RTRAF: variants seen among roughly 807,000 people sequenced by gnomAD.
RTRAF encodes RNA transcription, translation and transport factor.
In RTRAF, 14 loss-of-function variants were observed where a neutral mutation model predicts 34.4. The observed-to-expected ratio is 0.41, with a 90% confidence interval of 0.27 to 0.64. RTRAF has a LOEUF of 0.64. Among genes scored for constraint, RTRAF ranks in the 30% least tolerant of loss-of-function variants. The probability of loss-of-function intolerance (pLI) is 0.34; values close to 1 mark genes in which losing one functional copy is unlikely to be tolerated. For synonymous variants in RTRAF, 96 were observed against 95.3 expected (o/e 1.01, Z -0.04); for missense variants, 291 against 288.4 (o/e 1.01, Z -0.06).
intron 1 of RTRAF, 77 bp downstream of exon 1, chr14:51,989,777 T>C: frequency 7.0e-7 from 1 of 1,423,692 alleles, no homozygotes; most frequent in South Asian, 1.3e-5. Context: ...GCACCCCACC[T>C]CCCCGTCGGG....
rs752372080 is a variant in RTRAF, at chr14:52,005,714, G to A, written c.*1198G>A. 5 of 1,561,614 alleles carry A rather than the reference G, an allele frequency of 3.2e-6. No individual in the cohort carries two copies. The highest frequency in any genetic ancestry group is 4.4e-6 in the Non-Finnish European group (5 of 1,132,350). On this transcript the variant is annotated 3_prime_UTR_variant, in exon 8 of 8. Transcript: ENST00000261700. ...TTCTCTACCCTGCTAATTTAAAGGA[G>A]CATCCTAAAGCATACTTTTTACCTG...
intron 4 of RTRAF, chr14:51,999,486 G>A: frequency 2.5e-6 from 1 of 398,668 alleles, no homozygotes; most frequent in Non-Finnish European, 4.5e-6. Flanking sequence ...CCTAAGTTGG[G>A]GACCGTCTCA....
chr14:52,005,450 A>T lies in RTRAF; in HGVS notation c.*934A>T, dbSNP rs749089852. On this transcript the variant is annotated 3_prime_UTR_variant, in exon 8 of 8. Coordinates refer to ENST00000261700, the MANE Select transcript of RTRAF (RefSeq NM_016039.3). ...ACTGTTCTTTAGGGTCCAGGTTCTGATTGTAAACTCCAAGTCTTCCTTTAC... is the reference window on the plus strand; with the variant it reads ...ACTGTTCTTTAGGGTCCAGGTTCTGTTTGTAAACTCCAAGTCTTCCTTTAC... The T allele has an allele frequency of 1.5e-5, 23 of 1,564,074 alleles. No individual in the cohort carries two copies. Among genetic ancestry groups the T allele is most frequent in the Non-Finnish European group, 1.8e-5 (21 of 1,159,896 alleles).
At position 52,007,497 on chromosome 14, in the gene RTRAF, G is replaced by A. The variant is rs1497079; in HGVS notation, c.*2981G>A. 52,021 of 315,868 alleles carry A rather than the reference G, an allele frequency of 0.16. 5,681 individuals carry two copies. Among genetic ancestry groups the A allele is most frequent in the East Asian group, 0.5 (5,307 of 10,644 alleles). 19.6% of individuals were successfully genotyped at this position (315,868 alleles called of 1,614,324 possible). ...GGTAAGTTATAGTGACCCTCTCCCC[G>A]CATAAGAATAACTTCACTTAAGTTT... On this transcript the variant is annotated 3_prime_UTR_variant, in exon 8 of 8. Coordinates refer to ENST00000261700, the MANE Select transcript of RTRAF (RefSeq NM_016039.3).
chr14:51,992,351 G>A (rs553935892), intron 2 of RTRAF, among the ~76,000 whole-genome samples: 1 of 152,280 alleles, frequency 6.6e-6, no homozygotes, highest in East Asian at 1.9e-4. Flanking sequence ...TAGAATCAGT[G>A]ATTTTATAAA....
At position 52,005,800 on chromosome 14, in the gene RTRAF, A is replaced by G; in HGVS notation, c.*1284A>G. The G allele has an allele frequency of 6.2e-7, 1 of 1,613,882 alleles. No homozygotes were observed. Among genetic ancestry groups the G allele is most frequent in the Non-Finnish European group, 8.5e-7 (1 of 1,179,792 alleles). On this transcript the variant is annotated 3_prime_UTR_variant, in exon 8 of 8. Transcript: ENST00000261700. The stretch of plus-strand genomic sequence containing the variant: ...AGGTGAGATCGTTGTTCTGGGAGAT[A>G]CTCATCAGTAAACTGGCCACTATGT...
Position 51,991,358 on chromosome 14 carries a change from C to T in RTRAF, c.103C>T (p.Gln35Ter), listed in dbSNP as rs756314038. Residue 35 changes from glutamine to a stop codon, truncating the protein, a stop_gained, in exon 2 of 8, where the codon CAG becomes TAG. Coordinates refer to ENST00000261700, the MANE Select transcript of RTRAF (RefSeq NM_016039.3). LOFTEE classifies it high-confidence loss of function. ...AAACTTCATCGTTTGGCTTGAAGACCAGAAAATCAGGCACTACAAGATTGA... is the reference window on the plus strand; with the variant it reads ...AAACTTCATCGTTTGGCTTGAAGACTAGAAAATCAGGCACTACAAGATTGA... ...FRNFIVWLED[Q>*]KIRHYKIEDR... is the part of the protein sequence containing the mutation. 6.2e-7 allele frequency: 1 copy of T among 1,613,096 alleles called. No homozygotes were observed. Among genetic ancestry groups the T allele is most frequent in the Non-Finnish European group, 8.5e-7 (1 of 1,179,466 alleles).
intron 6 of RTRAF, among the ~76,000 whole-genome samples, chr14:52,002,701 G>T (rs1890619110): frequency 6.6e-6 from 1 of 152,216 alleles, no homozygotes; most frequent in Non-Finnish European, 1.5e-5. Context: ...GATAACACCT[G>T]CCTCCTGCAG....
intron 2 of RTRAF, among the ~76,000 whole-genome samples, chr14:51,993,023 C>T (rs771475412): frequency 9.9e-5 from 15 of 151,954 alleles, no homozygotes; most frequent in Non-Finnish European, 1.9e-4. Flanking sequence ...GAACAAGACT[C>T]TGTCTCAAAA....
chr14:52,009,233 G>C lies in RTRAF; in HGVS notation c.*4717G>C, dbSNP rs903666371. Reference sequence around the variant, plus strand: ...TTGCGCTAAGGTGGAGGTGGCCAGAGGGTACAGCATGCATATCATTGCTTC... The same window carrying C: ...TTGCGCTAAGGTGGAGGTGGCCAGACGGTACAGCATGCATATCATTGCTTC... On this transcript the variant is annotated 3_prime_UTR_variant, in exon 8 of 8. Coordinates refer to ENST00000261700, the MANE Select transcript of RTRAF (RefSeq NM_016039.3). 2 of 152,152 alleles carry C rather than the reference G, an allele frequency of 1.3e-5. No individual in the cohort carries two copies. Among genetic ancestry groups the C allele is most frequent in the African/African-American group, 4.8e-5 (2 of 41,432 alleles). The allele number at this position is 152,152 out of a possible 1,614,324, so 9.4% of individuals were successfully genotyped here.
At chr14:51,998,607 A>AC in intron 4 of RTRAF, 27 bp downstream of exon 4, 1 of 1,430,626 alleles carries the variant, frequency 7.0e-7, no homozygotes, top group Non-Finnish European at 9.5e-7. Context: ...ATAACATTGA[A>AC]CATCAACATT....
At chr14:51,989,885 C>T (rs1180240072) in intron 1 of RTRAF, among the ~76,000 whole-genome samples, 185 bp downstream of exon 1, 1 of 152,314 alleles carries the variant, frequency 6.6e-6, no homozygotes, top group African/African-American at 2.4e-5. Flanking sequence ...GCCTTTAAAG[C>T]CCTCTCACCT....
chr14:52,003,954 T>G, intron 6 of RTRAF: 10 of 504,666 alleles, frequency 2.0e-5, no homozygotes, highest in East Asian at 3.3e-5. Context: ...AAGGATTGGA[T>G]GAGCTATAGA....
chr14:52,004,798 T>TAAGTCATAGGAAAACTTAAAACACTTTA lies in RTRAF; in HGVS notation c.*283_*310dup. 1 of 271,324 alleles carries TAAGTCATAGGAAAACTTAAAACACTTTA rather than the reference T, an allele frequency of 3.7e-6. No homozygotes were observed. Among genetic ancestry groups the TAAGTCATAGGAAAACTTAAAACACTTTA allele is most frequent in the Non-Finnish European group, 6.8e-6 (1 of 146,812 alleles). The allele number at this position is 271,324 out of a possible 1,614,324, so 16.8% of individuals were successfully genotyped here. ...TTGTCCTAGAGACAATATAGATCCT[T>TAAGTCATAGGAAAACTTAAAACACTTTA]AAGTCATAGGAAAACTTAAAACACT... is the stretch of plus-strand genomic sequence containing the variant. On this transcript the variant is annotated 3_prime_UTR_variant, in exon 8 of 8. Coordinates refer to ENST00000261700, the MANE Select transcript of RTRAF (RefSeq NM_016039.3).
chr14:52,005,673 A>G lies in RTRAF; in HGVS notation c.*1157A>G. 1 of 1,431,262 alleles carries G rather than the reference A, an allele frequency of 7.0e-7. No individual in the cohort carries two copies. Among genetic ancestry groups the G allele is most frequent in the Non-Finnish European group, 9.9e-7 (1 of 1,014,326 alleles). The allele number at this position is 1,431,262 out of a possible 1,614,324, so 88.7% of individuals were successfully genotyped here. ...TGTCACAGGCAGCAGGGGTAATCAAATACCATATATATCCCTTCTCTACCC... is the reference window on the plus strand; with the variant it reads ...TGTCACAGGCAGCAGGGGTAATCAAGTACCATATATATCCCTTCTCTACCC... On this transcript the variant is annotated 3_prime_UTR_variant, in exon 8 of 8. Coordinates refer to ENST00000261700, the MANE Select transcript of RTRAF (RefSeq NM_016039.3).
intron 5 of RTRAF, among the ~76,000 whole-genome samples, chr14:52,000,847 G>A (rs1185833375): frequency 6.6e-6 from 1 of 152,174 alleles, no homozygotes; most frequent in African/African-American, 2.4e-5. Context: ...TGAGAGGAGA[G>A]TCAGACAATG....
rs757854431 is a variant in RTRAF at position 51,991,379 on chromosome 14, A to T, written c.124A>T (p.Ile42Phe). The change falls in exon 2 of 8, where the codon ATT (isoleucine) becomes TTT (phenylalanine). Residue 42 changes from isoleucine to phenylalanine, a missense_variant. Coordinates refer to ENST00000261700, the MANE Select transcript of RTRAF (RefSeq NM_016039.3). ...AGACCAGAAAATCAGGCACTACAAG[A>T]TTGAAGACAGAGGGAATTTAAGAAA... is the stretch of plus-strand genomic sequence containing the variant. ...LEDQKIRHYK[I>F]EDRGNLRNIH... 1 of 1,613,630 alleles carries T rather than the reference A, an allele frequency of 6.2e-7. No individual in the cohort carries two copies. The highest frequency in any genetic ancestry group is 1.7e-5 in the Admixed American group (1 of 60,024).
rs1038077854 is a variant in RTRAF at position 52,010,075 on chromosome 14, A to G, written c.*5559A>G. 6.6e-6 allele frequency: 1 copy of G among 152,242 alleles called. No homozygotes were observed. The highest frequency in any genetic ancestry group is 1.5e-5 in the Non-Finnish European group (1 of 68,048). The allele number at this position is 152,242 out of a possible 1,614,324, so 9.4% of individuals were successfully genotyped here. On this transcript the variant is annotated 3_prime_UTR_variant, in exon 8 of 8. Transcript: ENST00000261700. ...TATGCAAAGAGTTTTTAAGAGGGCT[A>G]TTAATTCCTGTTAAGTCAACTGGAA...
At chr14:51,999,491 G>A (rs1251700496) in intron 4 of RTRAF, 13 of 426,724 alleles carry the variant, frequency 3.0e-5, no homozygotes, top group Non-Finnish European at 5.0e-5. Context: ...GTTGGGGACC[G>A]TCTCATACAG....
Sources: gnomAD v4.1 joint callset for allele counts (sites outside exome capture counted in the v4.1 genomes callset) on GRCh38, gnomAD v4.1.1 for gene constraint, MANE v1.5 for transcripts, NCBI Gene and HGNC (gene_info 2026-07-23, HGNC 2026-07-21) for gene names.